Variants in CLNK observed in about 807,000 individuals in gnomAD.
CLNK encodes the protein cytokine-dependent hematopoietic cell linker.
In CLNK, 74 loss-of-function variants were observed where a neutral mutation model predicts 68.6. That is an observed-to-expected ratio of 1.08 (90% CI 0.89 to 1.31). The LOEUF (loss-of-function observed/expected upper bound fraction) is 1.31. CLNK is among the 50% of genes most tolerant of loss of function. The pLI is 0.00. For missense variants in CLNK, 553 were observed against 515.3 expected (o/e 1.07, Z -0.71); for synonymous variants, 198 against 172.2 (o/e 1.15, Z -1.17).
At chr4:10,646,521 C>T (rs1560260440) in intron 2 of CLNK, among the ~76,000 whole-genome samples, 1 of 152,146 alleles carries the variant, frequency 6.6e-6, no homozygotes, top group African/African-American at 2.4e-5. Context: ...CAAGAAAATT[C>T]ATTTTGCCAG....
intron 11 of CLNK, 59 bp downstream of exon 11, chr4:10,540,435 C>T: frequency 7.5e-7 from 1 of 1,332,496 alleles, no homozygotes; most frequent in Non-Finnish European, 1.1e-6. Flanking sequence ...TTCCCTTGTC[C>T]CCCTCCCCCA....
At chr4:10,663,046 A>G (rs1219183875) in intron 2 of CLNK, among the ~76,000 whole-genome samples, 1 of 152,246 alleles carries the variant, frequency 6.6e-6, no homozygotes, top group African/African-American at 2.4e-5. Flanking sequence ...AGAGCCCAGA[A>G]GCAATCACTC....
chr4:10,503,495 TATATAATGA>T (rs1291119255), intron 17 of CLNK, among the ~76,000 whole-genome samples: 1 of 149,386 alleles, frequency 6.7e-6, no homozygotes, highest in Middle Eastern at 3.3e-3. Context: ...ATAGATTATA[TATATAATGA>T]TTTATAGCTA....
At chr4:10,668,956 G>T (rs1490964035) in intron 1 of CLNK, among the ~76,000 whole-genome samples, 1 of 152,174 alleles carries the variant, frequency 6.6e-6, no homozygotes, top group East Asian at 1.9e-4. Flanking sequence ...ATAGGGTAGA[G>T]AGTGGGTTTT....
intron 18 of CLNK, among the ~76,000 whole-genome samples, chr4:10,501,026 T>C (rs10488946): frequency 0.16 from 24,062 of 152,222 alleles, 2,960 homozygotes; most frequent in African/African-American, 0.34. Flanking sequence ...GAATGAGTTT[T>C]CTTTAACAGG....
chr4:10,569,916 G>A (rs1407862582), intron 5 of CLNK, among the ~76,000 whole-genome samples: 1 of 152,196 alleles, frequency 6.6e-6, no homozygotes, highest in Non-Finnish European at 1.5e-5. Flanking sequence ...CTCAGTACCT[G>A]TTGGATCTTT....
At chr4:10,714,806 A>G in the CLNK span, among the ~76,000 whole-genome samples, 10 of 152,018 alleles carry the variant, frequency 6.6e-5, no homozygotes, top group East Asian at 1.9e-4. Flanking sequence ...CAAAATCCTG[A>G]TTTCATTTGT....
intron 5 of CLNK, among the ~76,000 whole-genome samples, chr4:10,569,614 A>C (rs909450435): frequency 2.6e-5 from 4 of 152,206 alleles, no homozygotes; most frequent in African/African-American, 9.6e-5. Flanking sequence ...CTGGGTCTGA[A>C]CACTAGACTG....
At chr4:10,589,898 A>C (rs1409784549) in intron 3 of CLNK, among the ~76,000 whole-genome samples, 27 of 152,180 alleles carry the variant, frequency 1.8e-4, no homozygotes, top group Non-Finnish European at 1.5e-5. Flanking sequence ...AGGGAATTAC[A>C]AGGATGCACC....
chr4:10,618,994 G>C (rs1355225911), intron 2 of CLNK, among the ~76,000 whole-genome samples: 1 of 152,176 alleles, frequency 6.6e-6, no homozygotes, highest in Non-Finnish European at 1.5e-5. Flanking sequence ...CTAAAAGAAG[G>C]TTCAGGAGAA....
chr4:10,575,566 T>C (rs1286770190), intron 4 of CLNK, among the ~76,000 whole-genome samples: 1 of 152,256 alleles, frequency 6.6e-6, no homozygotes, highest in Non-Finnish European at 1.5e-5. Flanking sequence ...CCTTTCCCTG[T>C]GGTGCTTGGC....
intron 18 of CLNK, among the ~76,000 whole-genome samples, chr4:10,500,994 CAG>C (rs1249810858): frequency 2.6e-5 from 4 of 152,188 alleles, no homozygotes; most frequent in African/African-American, 9.7e-5. Flanking sequence ...TCCTGGGAGG[CAG>C]AGTTTAGATG....
intron 12 of CLNK, among the ~76,000 whole-genome samples, chr4:10,530,136 A>G (rs1356576012): frequency 4.0e-5 from 6 of 151,458 alleles, no homozygotes; most frequent in African/African-American, 1.5e-4. Flanking sequence ...TAAGGCAGAG[A>G]GACACGGCGG....
the CLNK span, among the ~76,000 whole-genome samples, chr4:10,719,260 G>A: frequency 1.3e-5 from 2 of 152,178 alleles, no homozygotes; most frequent in South Asian, 4.1e-4. Flanking sequence ...TATTAGCAGA[G>A]TGGATTAAAA....
intron 2 of CLNK, among the ~76,000 whole-genome samples, chr4:10,602,500 G>A (rs767148033): frequency 6.6e-6 from 1 of 152,164 alleles, no homozygotes; most frequent in Non-Finnish European, 1.5e-5. Flanking sequence ...AGATTGGAGT[G>A]ATGTTGTCAC....
At chr4:10,637,329 C>A (rs1328429809) in intron 2 of CLNK, among the ~76,000 whole-genome samples, 1 of 152,028 alleles carries the variant, frequency 6.6e-6, no homozygotes, top group Non-Finnish European at 1.5e-5. Context: ...AAGATTGGAA[C>A]CTTTGTATCA....
chr4:10,534,922 A>G (rs987470639), intron 11 of CLNK, among the ~76,000 whole-genome samples: 5 of 152,268 alleles, frequency 3.3e-5, no homozygotes, highest in Non-Finnish European at 7.4e-5. Flanking sequence ...CTATAACCAT[A>G]CTTTCTCTTT....
At chr4:10,504,116 CTTT>C (rs10660433) in intron 17 of CLNK, among the ~76,000 whole-genome samples, 13 of 67,322 alleles carry the variant, frequency 1.9e-4, no homozygotes, top group South Asian at 6.6e-4. Context: ...TCTTTGGGTT[CTTT>C]TTTTTTTTTT....
chr4:10,673,048 C>A (rs1036947454), intron 1 of CLNK, among the ~76,000 whole-genome samples: 2 of 152,190 alleles, frequency 1.3e-5, no homozygotes, highest in East Asian at 1.9e-4. Context: ...AAGATTTTAA[C>A]AATTTGATCA....
Sources: gnomAD v4.1 joint callset for allele counts (sites outside exome capture counted in the v4.1 genomes callset) on GRCh38, gnomAD v4.1.1 for gene constraint, MANE v1.5 for transcripts, NCBI Gene and HGNC (gene_info 2026-07-23, HGNC 2026-07-21) for gene names.